Variants in CALR3 observed in about 807,000 individuals in gnomAD.
CALR3 encodes the protein calreticulin-3.
CALR3 carries 39 observed loss-of-function variants against 48.7 expected under a neutral mutation model. That is an observed-to-expected ratio of 0.80 (90% CI 0.62 to 1.05). The LOEUF (loss-of-function observed/expected upper bound fraction) is 1.05. Among genes scored for constraint, CALR3 ranks in the 50% least tolerant of loss-of-function variants. CALR3 has a pLI of 0.00. For missense variants in CALR3, 449 were observed against 474.7 expected (o/e 0.95, Z 0.50); for synonymous variants, 185 against 172.7 (o/e 1.07, Z -0.56).
chr19:16,483,956 C>T lies in CALR3; in HGVS notation c.652G>A (p.Glu218Lys). The T allele has an allele frequency of 1.2e-6, 2 of 1,613,984 alleles. No individual in the cohort carries two copies. Among genetic ancestry groups the T allele is most frequent in the Non-Finnish European group, 1.7e-6 (2 of 1,180,000 alleles). ...ETSPAESKDW[E>K]QTKDNKAQDW... ...TGGGCTTTGTTGTCTTTAGTCTGTT[C>T]CCAATCCTTCGATTCTGCCGGGGAC... The change falls in exon 5 of 9, where the codon GAA becomes AAA. Residue 218 changes from glutamate to lysine, a missense_variant. Glu to Lys is a moderately conservative substitution (Grantham distance 56). Transcript: ENST00000269881.
chr19:16,487,466 G>C (rs188612593), intron 3 of CALR3, among the ~76,000 whole-genome samples: 3 of 118,566 alleles, frequency 2.5e-5, no homozygotes, highest in East Asian at 5.2e-4. Context: ...GGCGACGAGC[G>C]AAGCTGTGTC....
Position 16,482,792 on chromosome 19 carries a change from A to G in CALR3, c.679-7T>C, listed in dbSNP as rs730880060. The G allele has an allele frequency of 7.5e-6, 12 of 1,610,218 alleles. No homozygotes were observed. In the African/African-American group the frequency reaches 1.5e-4, roughly 20 times the overall value. On this transcript the variant is annotated splice_polypyrimidine_tract_variant and splice_region_variant and intron_variant, in intron 5 of 8. Transcript: ENST00000269881. ...GAAAATGCTTCTCCCAGTCCTTCAA[A>G]GACATGTAAGGAAAAAGTAAAATCA...
At chr19:16,481,555 T>C (rs537983346) in intron 7 of CALR3, among the ~76,000 whole-genome samples, 30 of 148,336 alleles carry the variant, frequency 2.0e-4, no homozygotes, top group Non-Finnish European at 3.6e-4. Context: ...CTTGGCTCAC[T>C]GCAACCTCCA....
chr19:16,483,898 A>C, intron 5 of CALR3, 32 bp downstream of exon 5: 1 of 1,608,382 alleles, frequency 6.2e-7, no homozygotes, highest in Non-Finnish European at 8.5e-7. Context: ...ACATTTGTGC[A>C]CTTTTTAGAG....
rs962663753 is a variant in CALR3, at chr19:16,490,530, A to G, written c.234T>C (p.Ser78=). ...TTQNGRFYAI[S]ARFKPFSNKG... is the part of the protein sequence containing the mutation. ...TATTGCTGAACGGTTTGAAGCGTGCAGAGATGGCATAGAATCGGCCATTCT... is the reference window on the plus strand; with the variant it reads ...TATTGCTGAACGGTTTGAAGCGTGCGGAGATGGCATAGAATCGGCCATTCT... The change falls in exon 3 of 9, where the codon TCT becomes TCC. Residue 78 remains serine (S), a synonymous_variant. Transcript: ENST00000269881. The G allele has an allele frequency of 8.1e-6, 13 of 1,614,048 alleles. No individual in the cohort carries two copies. Among genetic ancestry groups the G allele is most frequent in the Non-Finnish European group, 1.1e-5 (13 of 1,180,048 alleles).
intron 8 of CALR3, 127 bp downstream of exon 8, chr19:16,480,487 G>C: frequency 1.5e-6 from 1 of 686,528 alleles, no homozygotes; most frequent in Non-Finnish European, 2.6e-6. Context: ...GGGAGGTGGA[G>C]GTTGCAGTGA....
intron 7 of CALR3, among the ~76,000 whole-genome samples, chr19:16,481,112 C>A: frequency 6.6e-6 from 1 of 151,988 alleles, no homozygotes; most frequent in African/African-American, 2.4e-5. Flanking sequence ...TGAGATCGTG[C>A]CACTGCACTC....
intron 3 of CALR3, among the ~76,000 whole-genome samples, chr19:16,489,851 CAAAA>C: frequency 7.8e-6 from 1 of 127,814 alleles, no homozygotes; most frequent in Non-Finnish European, 1.7e-5. Context: ...AAAACAAAAA[CAAAA>C]ACAAACAAAC....
chr19:16,482,900 G>T, intron 5 of CALR3, 115 bp from the exon 6 acceptor site: 2 of 959,014 alleles, frequency 2.1e-6, no homozygotes, highest in Non-Finnish European at 1.6e-6. Context: ...GCTGGAGTGC[G>T]GTTGTGCAAT....
intron 2 of CALR3, among the ~76,000 whole-genome samples, chr19:16,494,558 C>T (rs2093402980): frequency 6.6e-6 from 1 of 151,782 alleles, no homozygotes; most frequent in South Asian, 2.1e-4. Flanking sequence ...GACAGGGTGT[C>T]ACCGTATTGG....
chr19:16,488,056 G>T (rs1426954447), intron 3 of CALR3, among the ~76,000 whole-genome samples: 1 of 152,128 alleles, frequency 6.6e-6, no homozygotes, highest in South Asian at 2.1e-4. Flanking sequence ...CTCGTGATCT[G>T]CCCACCTCGG....
intron 2 of CALR3, among the ~76,000 whole-genome samples, chr19:16,490,867 C>T (rs2093396884): frequency 6.6e-6 from 1 of 151,516 alleles, no homozygotes; most frequent in Non-Finnish European, 1.5e-5. Context: ...AAGTGATTCT[C>T]CTGCCTCAGC....
At chr19:16,491,567 A>G (rs2093398205) in intron 2 of CALR3, among the ~76,000 whole-genome samples, 1 of 151,164 alleles carries the variant, frequency 6.6e-6, no homozygotes, top group African/African-American at 2.4e-5. Flanking sequence ...TCACGGGGTC[A>G]GGAGTTTGAG....
Position 16,484,026 on chromosome 19 carries a change from G to A in CALR3, c.582C>T (p.Gly194=). 1 of 1,614,054 alleles carries A rather than the reference G, an allele frequency of 6.2e-7. No homozygotes were observed. The highest frequency in any genetic ancestry group is 1.1e-5 in the South Asian group (1 of 91,072). ...VKIDGQSIES[G]SIEYDWNLTS... Reference sequence around the variant, plus strand: ...TTAAGTTCCAGTCGTACTCTATGCTGCCGGATTCAATTGACTGACCATCAA... The same window carrying A: ...TTAAGTTCCAGTCGTACTCTATGCTACCGGATTCAATTGACTGACCATCAA... The change falls in exon 5 of 9, where the codon GGC becomes GGT. Residue 194 remains glycine, a synonymous_variant. Transcript: ENST00000269881.
intron 6 of CALR3, 27 bp from the exon 7 acceptor site, chr19:16,482,608 G>A (rs1159032778): frequency 1.9e-6 from 3 of 1,614,058 alleles, no homozygotes; most frequent in Non-Finnish European, 2.5e-6. Context: ...ATATGGGGTG[G>A]TCTCAATGAC....
At chr19:16,481,905 T>TC (rs2093381340) in intron 7 of CALR3, among the ~76,000 whole-genome samples, 5 of 19,310 alleles carry the variant, frequency 2.6e-4, no homozygotes, top group Admixed American at 5.6e-4. Context: ...CTCCCATCTC[T>TC]TTTTTTTTTT....
intron 2 of CALR3, among the ~76,000 whole-genome samples, chr19:16,492,275 G>A (rs752253386): frequency 2.0e-5 from 3 of 152,046 alleles, no homozygotes; most frequent in Non-Finnish European, 2.9e-5. Flanking sequence ...TGGCCAACGT[G>A]GGGAAACTCC....
chr19:16,494,454 C>T (rs964500992), intron 2 of CALR3, among the ~76,000 whole-genome samples: 2 of 151,176 alleles, frequency 1.3e-5, no homozygotes, highest in South Asian at 2.1e-4. Flanking sequence ...CTCTGCCTCC[C>T]GGGTTCAAGT....
chr19:16,495,641 C>T, intron 2 of CALR3, 110 bp downstream of exon 2: 1 of 786,226 alleles, frequency 1.3e-6, no homozygotes, highest in East Asian at 2.7e-5. Flanking sequence ...GCCTTAATGT[C>T]TTCATCTGTA....
Sources: gnomAD v4.1 joint callset for allele counts (sites outside exome capture counted in the v4.1 genomes callset) on GRCh38, gnomAD v4.1.1 for gene constraint, MANE v1.5 for transcripts, NCBI Gene and HGNC (gene_info 2026-07-23, HGNC 2026-07-21) for gene names.